ZNF157: variants seen among roughly 807,000 people sequenced by gnomAD.
The protein encoded by ZNF157 is zinc finger protein 157.
In ZNF157, 8 loss-of-function variants were observed where a neutral mutation model predicts 9.4. The ratio of observed to expected loss-of-function variants is 0.85; its 90% CI spans 0.50 to 1.53. The LOEUF (loss-of-function observed/expected upper bound fraction) is 1.53, where lower values mean the gene tolerates loss of function less well. Among genes scored for constraint, ZNF157 ranks in the 40% most tolerant of loss-of-function variants. The pLI is 0.00. For synonymous variants in ZNF157, 120 were observed against 130.8 expected (o/e 0.92, Z 0.56); for missense variants, 316 against 385.2 (o/e 0.82, Z 1.50).
chrX:47,395,039 T>C (rs2055909155), intron 1 of ZNF157, among the ~76,000 whole-genome samples: 1 of 111,128 alleles, frequency 9.0e-6, no homozygotes, highest in African/African-American at 3.3e-5. Context: ...CCCAGGCTGG[T>C]CTTGAACTCC....
chrX:47,406,507 G>A (rs1396579149), intron 1 of ZNF157, among the ~76,000 whole-genome samples: 1 of 110,717 alleles, frequency 9.0e-6, no homozygotes, highest in East Asian at 2.8e-4. Context: ...CTGAGTAGCT[G>A]GGATTACAGG....
chrX:47,381,270 GAGAC>G (rs2055862799), intron 1 of ZNF157, among the ~76,000 whole-genome samples: 1 of 111,037 alleles, frequency 9.0e-6, no homozygotes, highest in African/African-American at 3.3e-5. Context: ...TTATTTTAGA[GAGAC>G]AGTTTTAACA....
chrX:47,395,923 G>C (rs2055911732), intron 1 of ZNF157, among the ~76,000 whole-genome samples: 1 of 111,679 alleles, frequency 9.0e-6, no homozygotes, highest in Non-Finnish European at 1.9e-5. Context: ...CTGTGATTGA[G>C]CCACTGCACT....
intron 2 of ZNF157, 95 bp from the exon 3 acceptor site, chrX:47,410,585 C>A: frequency 1.0e-6 from 1 of 963,516 alleles, no homozygotes. Flanking sequence ...GGCCCCCTTC[C>A]TTGTGCAGCT....
chrX:47,402,674 G>A (rs1319738809), intron 1 of ZNF157, among the ~76,000 whole-genome samples: 1 of 107,588 alleles, frequency 9.3e-6, no homozygotes, highest in African/African-American at 3.4e-5. Context: ...CGAGTAGCTG[G>A]GTCTACAGGC....
At chrX:47,379,834 G>A (rs1461303454) in intron 1 of ZNF157, among the ~76,000 whole-genome samples, 2 of 102,995 alleles carry the variant, frequency 1.9e-5, no homozygotes, top group Non-Finnish European at 3.9e-5. Flanking sequence ...ATGATCAGTT[G>A]GCTGTTTTTG....
At chrX:47,393,734 T>TTC (rs1556818378) in intron 1 of ZNF157, among the ~76,000 whole-genome samples, 5 of 21,603 alleles carry the variant, frequency 2.3e-4, no homozygotes, top group Non-Finnish European at 4.0e-4. Context: ...CCCGCCACCC[T>TTC]CCCCCGCCCT....
chrX:47,373,864 A>AATT (rs1556816453), intron 1 of ZNF157, among the ~76,000 whole-genome samples: 2 of 99,054 alleles, frequency 2.0e-5, no homozygotes, highest in African/African-American at 7.5e-5. Context: ...ATTAAAAAAA[A>AATT]TTTTTTTTTT....
chrX:47,383,438 G>A lies in ZNF157; in HGVS notation c.72+12698G>A, dbSNP rs113862162. 3.8e-3 allele frequency among the ~76,000 whole-genome samples: 378 copies of A among 100,656 alleles called. 1 individual carries two copies. The highest frequency in any genetic ancestry group is 0.013 in the African/African-American group (366 of 27,981). 87.4% of individuals were successfully genotyped at this position (100,656 alleles called of 115,157 possible). A position where few individuals can be genotyped will look rare whatever the true frequency, so the allele number is the denominator to read the frequency against. On this transcript the variant is annotated intron_variant, in intron 1 of 3. Transcript: ENST00000377073. The stretch of plus-strand genomic sequence containing the variant: ...GGGCTTTGTTTGGTGGCTCACACCT[G>A]TAATTCCAGCACTTTGGGAGGCTGA...
rs1475389093 is a variant in ZNF157, at chrX:47,391,908, G to A, written c.73-18368G>A. ...CCTGTATTGATTTTTTTTTTTTTTT[G>A]AGAGGGAGTCTCGCTCTGTCGCCCA... On this transcript the variant is annotated intron_variant, in intron 1 of 3. Transcript: ENST00000377073. Among the ~76,000 whole-genome samples, 151 of 90,497 alleles carry A rather than the reference G, an allele frequency of 1.7e-3. 1 individual carries two copies. Among genetic ancestry groups the A allele is most frequent in the African/African-American group, 6.0e-3 (144 of 23,818 alleles). The allele number at this position is 90,497 out of a possible 115,157, so 78.6% of individuals were successfully genotyped here.
chrX:47,387,773 C>T (rs945883490), intron 1 of ZNF157, among the ~76,000 whole-genome samples: 4 of 104,060 alleles, frequency 3.8e-5, no homozygotes, highest in African/African-American at 1.0e-4. Context: ...CATGGTGGCA[C>T]ATACCTGTAA....
At chrX:47,393,707 C>A (rs1428944769) in intron 1 of ZNF157, among the ~76,000 whole-genome samples, 7 of 105,987 alleles carry the variant, frequency 6.6e-5, no homozygotes, top group African/African-American at 2.4e-4. Flanking sequence ...CTGGGACTAC[C>A]GGATTGAGCT....
intron 1 of ZNF157, among the ~76,000 whole-genome samples, chrX:47,384,263 A>T (rs1013095255): frequency 9.0e-4 from 101 of 111,659 alleles, no homozygotes; most frequent in Non-Finnish European, 1.4e-3. Context: ...AGTTTTTTTT[A>T]AAAAATAAAA....
intron 1 of ZNF157, among the ~76,000 whole-genome samples, chrX:47,377,731 CTTT>C (rs1160508436): frequency 6.0e-4 from 52 of 86,729 alleles, no homozygotes; most frequent in East Asian, 5.6e-3. Flanking sequence ...CATGCCCAGC[CTTT>C]TTTTTTTTTT....
chrX:47,405,646 G>A (rs1232290192), intron 1 of ZNF157, among the ~76,000 whole-genome samples: 3 of 110,966 alleles, frequency 2.7e-5, no homozygotes, highest in Non-Finnish European at 5.7e-5. Context: ...TTTGCTTTAT[G>A]AGGCAATATT....
chrX:47,402,385 A>G lies in ZNF157; in HGVS notation c.73-7891A>G, dbSNP rs569988150. On this transcript the variant is annotated intron_variant, in intron 1 of 3. Coordinates refer to ENST00000377073, the MANE Select transcript of ZNF157 (RefSeq NM_003446.4). The stretch of plus-strand genomic sequence containing the variant: ...TGTGGTTTAGGTCTTTTATATTATT[A>G]CTTATATTTTGTCTATTTAATCTGT... Among the ~76,000 whole-genome samples the G allele has an allele frequency of 6.7e-4, 74 of 111,103 alleles. 2 individuals are homozygous for G. In the South Asian group the frequency reaches 0.028, roughly 41 times the overall value.
At chrX:47,381,902 A>G (rs2055864538) in intron 1 of ZNF157, among the ~76,000 whole-genome samples, 2 of 111,835 alleles carry the variant, frequency 1.8e-5, no homozygotes, top group South Asian at 7.4e-4. Context: ...CAAATTCTGT[A>G]AAATATTTGA....
intron 1 of ZNF157, among the ~76,000 whole-genome samples, chrX:47,397,036 C>G (rs756102665): frequency 2.5e-4 from 28 of 110,323 alleles, no homozygotes; most frequent in Non-Finnish European, 4.4e-4. Context: ...ATTGTGGGAG[C>G]AACAATTCAA....
At chrX:47,384,938 G>A (rs975349584) in intron 1 of ZNF157, among the ~76,000 whole-genome samples, 4 of 111,836 alleles carry the variant, frequency 3.6e-5, no homozygotes, top group Admixed American at 9.6e-5. Context: ...GGGGAGTGCG[G>A]AATTAGCGGT....
Sources: gnomAD v4.1 joint callset for allele counts (sites outside exome capture counted in the v4.1 genomes callset) on GRCh38, gnomAD v4.1.1 for gene constraint, MANE v1.5 for transcripts, NCBI Gene and HGNC (gene_info 2026-07-23, HGNC 2026-07-21) for gene names.